STS: variants seen among roughly 807,000 people sequenced by gnomAD.
STS encodes steroid sulfatase, also known as steryl-sulfatase.
STS carries 7 observed loss-of-function variants against 26.8 expected under a neutral mutation model. The ratio of observed to expected loss-of-function variants is 0.26; its 90% confidence interval spans 0.15 to 0.49. STS has a LOEUF of 0.49. Among genes scored for constraint, STS ranks in the 20% least tolerant of loss-of-function variants. The pLI is 0.98. For synonymous variants in STS, 199 were observed against 189.4 expected (o/e 1.05, Z -0.42); for missense variants, 434 against 465.6 (o/e 0.93, Z 0.63).
At chrX:7,192,563 C>CAAA (rs58572921) in intron 2 of STS, among the ~76,000 whole-genome samples, 6 of 89,414 alleles carry the variant, frequency 6.7e-5, no homozygotes, top group African/African-American at 8.3e-5. Context: ...GACTCCATCT[C>CAAA]AAAAAAAAAA....
intron 7 of STS, 25 bp from the exon 8 acceptor site, chrX:7,305,021 T>C (rs760985898): frequency 3.3e-6 from 4 of 1,209,520 alleles, no homozygotes; most frequent in Non-Finnish European, 4.5e-6. Flanking sequence ...GCATTATTTT[T>C]AAATGGAGTC....
At chrX:7,205,429 C>T (rs1269161343) in intron 2 of STS, among the ~76,000 whole-genome samples, 2 of 111,478 alleles carry the variant, frequency 1.8e-5, no homozygotes, top group Non-Finnish European at 3.8e-5. Context: ...GCTTTCTCCC[C>T]ATACTGACTA....
At chrX:7,189,850 G>T (rs1434585345) in intron 1 of STS, among the ~76,000 whole-genome samples, 1 of 111,170 alleles carries the variant, frequency 9.0e-6, no homozygotes, top group Non-Finnish European at 1.9e-5. Context: ...AGTCAACAGT[G>T]GGGGAGCCTG....
intron 1 of STS, among the ~76,000 whole-genome samples, chrX:7,155,585 G>A (rs1384686043): frequency 3.6e-5 from 4 of 111,582 alleles, no homozygotes; most frequent in Non-Finnish European, 7.5e-5. Flanking sequence ...TTGAGGAAAT[G>A]CCTTTATATA....
rs755795323 is a variant in STS at position 7,285,588 on chromosome X, G to A, written c.943+9501G>A. Among the ~76,000 whole-genome samples, 15 of 111,723 alleles carry A rather than the reference G, an allele frequency of 1.3e-4. No homozygotes were observed. The South Asian group carries it at 5.6e-3, about 42-fold the overall frequency. On this transcript the variant is annotated intron_variant, in intron 7 of 10. Transcript: ENST00000674429. The stretch of plus-strand genomic sequence containing the variant: ...TAGGAAGAGCTCATACAAAGCAAAT[G>A]ATAGAAAGATAAATATCAGAAAAAG...
intron 1 of STS, among the ~76,000 whole-genome samples, chrX:7,172,758 C>T (rs1458536994): frequency 9.0e-6 from 1 of 111,412 alleles, no homozygotes; most frequent in African/African-American, 3.3e-5. Flanking sequence ...CAATAAACCA[C>T]CAGGCCTGGT....
intron 8 of STS, among the ~76,000 whole-genome samples, chrX:7,320,664 G>A (rs1011523733): frequency 3.6e-5 from 4 of 111,778 alleles, no homozygotes; most frequent in Non-Finnish European, 5.6e-5. Flanking sequence ...TAATTCACAC[G>A]TTGAGATTCC....
Position 7,325,477 on chromosome X carries a change from G to C in STS, c.1220G>C (p.Gly407Ala), listed in dbSNP as rs781380649. ...TTTCCTACAGTAGCCAAGCTGGCTG[G>C]AGCTCCCTTGCCTGAGGACAGGTAC... The part of the protein sequence containing the change: ...DIFPTVAKLA[G>A]APLPEDRIID... Residue 407 changes from glycine to alanine, a missense_variant, in exon 9 of 11, where the codon GGA (glycine) becomes GCA (alanine). Gly to Ala is a moderately conservative substitution (Grantham distance 60, BLOSUM62 0). Transcript: ENST00000674429. The C allele has an allele frequency of 1.9e-5, 23 of 1,209,311 alleles. No homozygotes were observed. The highest frequency in any genetic ancestry group is 7.0e-5 in the South Asian group (4 of 56,746).
chrX:7,329,632 A>G (rs1278342801), intron 9 of STS, among the ~76,000 whole-genome samples: 4 of 112,309 alleles, frequency 3.6e-5, no homozygotes, highest in Non-Finnish European at 7.5e-5. Flanking sequence ...AGGAGAAGAA[A>G]CTCATTCAGA....
chrX:7,340,858 G>A (rs1254163668), intron 10 of STS, among the ~76,000 whole-genome samples: 3 of 111,377 alleles, frequency 2.7e-5, no homozygotes, highest in African/African-American at 9.8e-5. Flanking sequence ...TACAATGGCG[G>A]GACGGATGGG....
At chrX:7,279,117 A>G (rs1385589066) in intron 7 of STS, among the ~76,000 whole-genome samples, 3 of 107,678 alleles carry the variant, frequency 2.8e-5, no homozygotes, top group Non-Finnish European at 5.8e-5. Flanking sequence ...CAGCCTGGCC[A>G]ACATGGTAAA....
intron 1 of STS, among the ~76,000 whole-genome samples, chrX:7,182,863 A>G (rs1382540476): frequency 9.0e-6 from 1 of 110,647 alleles, no homozygotes; most frequent in East Asian, 2.9e-4. Flanking sequence ...CCCCAAAATC[A>G]TGTGATTCCC....
chrX:7,325,322 CT>C lies in STS; in HGVS notation c.1082-11del, dbSNP rs763150956. 8.3e-6 allele frequency: 10 copies of C among 1,208,768 alleles called. No individual in the cohort carries two copies. Among genetic ancestry groups the C allele is most frequent in the Non-Finnish European group, 1.0e-5 (9 of 894,431 alleles). On this transcript the variant is annotated splice_polypyrimidine_tract_variant and intron_variant, in intron 8 of 10. Coordinates refer to ENST00000674429, the MANE Select transcript of STS (RefSeq NM_001320752.2). ...GAAATCTCCCTGTTGCCTCTTACCT[CT>C]TTTTTGATCTTTTAGGAGGAAAAGC... is the stretch of plus-strand genomic sequence containing the variant.
At chrX:7,162,506 A>G (rs1241643118) in intron 1 of STS, among the ~76,000 whole-genome samples, 1 of 110,372 alleles carries the variant, frequency 9.1e-6, no homozygotes, top group Non-Finnish European at 1.9e-5. Flanking sequence ...GGCGGTTCCA[A>G]GACTGGGAGA....
intron 2 of STS, among the ~76,000 whole-genome samples, chrX:7,221,139 G>A (rs764504619): frequency 8.0e-5 from 9 of 112,440 alleles, no homozygotes; most frequent in African/African-American, 2.3e-4. Flanking sequence ...AGTAGGTCAC[G>A]TCTGAATATT....
rs144370825 is a variant in STS, at chrX:7,212,065, C to T, written c.-5+21057C>T. Among the ~76,000 whole-genome samples the T allele has an allele frequency of 8.0e-5, 9 of 112,081 alleles. No homozygotes were observed. In the East Asian group the frequency reaches 2.2e-3, roughly 28 times the overall value. On this transcript the variant is annotated intron_variant, in intron 2 of 10. Transcript: ENST00000674429. ...GGCCAGTCAGAATCATTCAGCAATG[C>T]ATAAGAGAAGAAATATAATATGCGC...
At chrX:7,340,129 G>A (rs1928215936) in intron 10 of STS, among the ~76,000 whole-genome samples, 1 of 109,228 alleles carries the variant, frequency 9.2e-6, no homozygotes, top group Non-Finnish European at 1.9e-5. Context: ...TCTAAGCTTG[G>A]CACCCAGCTT....
Position 7,305,134 on chromosome X carries a change from A to T in STS, c.1032A>T (p.Glu344Asp). 8.3e-7 allele frequency: 1 copy of T among 1,211,342 alleles called. No individual in the cohort carries two copies. The highest frequency in any genetic ancestry group is 1.1e-6 in the Non-Finnish European group (1 of 894,998). Reference sequence around the variant, plus strand: ...CGGACCAGGGAGCACATGTAGAAGAAGTGTCTTCCAAAGGAGAAATTCATG... The same window carrying T: ...CGGACCAGGGAGCACATGTAGAAGATGTGTCTTCCAAAGGAGAAATTCATG... ...FTSDQGAHVE[E>D]VSSKGEIHGG... Residue 344 changes from glutamate (E) to aspartate (D), a missense_variant, in exon 8 of 11, where the codon GAA (glutamate) becomes GAT (aspartate). Around this residue, in one of 2 missense-constraint regions of STS, gnomAD observed 229 missense variants for 288.3 expected, o/e 0.79. Transcript: ENST00000674429.
chrX:7,200,060 T>C lies in STS; in HGVS notation c.-5+9052T>C, dbSNP rs1488991794. Reference sequence around the variant, plus strand: ...TATTAGAAAACTTTGTGAGCTTTCTTTTTTTTTTTTTTAATAATACTGTTG... The same window carrying C: ...TATTAGAAAACTTTGTGAGCTTTCTCTTTTTTTTTTTTAATAATACTGTTG... On this transcript the variant is annotated intron_variant, in intron 2 of 10. Coordinates refer to ENST00000674429, the MANE Select transcript of STS (RefSeq NM_001320752.2). 8.6e-4 allele frequency among the ~76,000 whole-genome samples: 18 copies of C among 20,847 alleles called. No homozygotes were observed. In the South Asian group the frequency reaches 0.023, roughly 27 times the overall value. 18.1% of individuals were successfully genotyped at this position (20,847 alleles called of 115,157 possible).
Sources: gnomAD v4.1 joint callset for allele counts (sites outside exome capture counted in the v4.1 genomes callset) on GRCh38, gnomAD v4.1.1 for gene constraint, gnomAD v4.1.1 regional missense constraint, MANE v1.5 for transcripts, NCBI Gene and HGNC (gene_info 2026-07-23, HGNC 2026-07-21) for gene names.